The following CAP2 variants were observed in gnomAD, a reference collection of about 807,000 sequenced individuals.
CAP2 encodes cyclase associated actin cytoskeleton regulatory protein 2, also known as adenylyl cyclase-associated protein 2.
A neutral mutation model predicts 57.7 loss-of-function variants in CAP2; 24 were observed. The observed-to-expected ratio is 0.42, with a 90% CI of 0.30 to 0.58. The LOEUF (loss-of-function observed/expected upper bound fraction) is 0.58. Among genes scored for constraint, CAP2 ranks in the 20% least tolerant of loss-of-function variants. CAP2 has a pLI of 0.22. For synonymous variants in CAP2, 194 were observed against 207.2 expected, an observed-to-expected ratio of 0.94 and a Z score of 0.55; for missense variants, 501 against 590.3, an observed-to-expected ratio of 0.85 and a Z score of 1.57.
At chr6:17,411,565 T>A (rs571355911) in intron 1 of CAP2, among the ~76,000 whole-genome samples, 1 of 152,392 alleles carries the variant, frequency 6.6e-6, no homozygotes, top group East Asian at 1.9e-4. Context: ...CTTTCACATG[T>A]GCTCTTGGCC....
chr6:17,404,995 C>T (rs142473892), intron 1 of CAP2, among the ~76,000 whole-genome samples: 19 of 152,238 alleles, frequency 1.2e-4, no homozygotes, highest in Non-Finnish European at 2.1e-4. Flanking sequence ...ATGGGGGATA[C>T]GTTCTAAGAC....
Position 17,556,623 on chromosome 6 carries a change from G to T in CAP2, c.*181G>T. ...TCGTGGGCATTTTGAAATATTTAAC[G>T]TTTCCTCATGATTTGCCTTTGTGTG... On this transcript the variant is annotated 3_prime_UTR_variant, in exon 13 of 13. Transcript: ENST00000229922. The T allele has an allele frequency of 1.8e-6, 1 of 541,448 alleles. No individual in the cohort carries two copies. The highest frequency in any genetic ancestry group is 2.8e-4 in the Middle Eastern group (1 of 3,604). The allele number at this position is 541,448 out of a possible 1,614,324, so 33.5% of individuals were successfully genotyped here. A position where few individuals can be genotyped will look rare whatever the true frequency, so the allele number is the denominator to read the frequency against.
At chr6:17,404,094 A>G (rs1758886281) in intron 1 of CAP2, among the ~76,000 whole-genome samples, 1 of 152,342 alleles carries the variant, frequency 6.6e-6, no homozygotes, top group East Asian at 1.9e-4. Flanking sequence ...CTAGCTCAGT[A>G]TTGGTAAATG....
At chr6:17,526,027 C>G (rs561184552) in intron 7 of CAP2, among the ~76,000 whole-genome samples, 105 of 152,058 alleles carry the variant, frequency 6.9e-4, no homozygotes, top group African/African-American at 2.5e-3. Context: ...GCTAAATCCA[C>G]TGTATTCATT....
rs9477457 is a variant in CAP2 at position 17,494,181 on chromosome 6, G to A, written c.301-12988G>A. ...CTATTCTCAATACAGCAGCCAGAGC[G>A]ATCCTTAGAAAAGAAAACCACATCA... On this transcript the variant is annotated intron_variant, in intron 4 of 12. Transcript: ENST00000229922. 3.1e-3 allele frequency among the ~76,000 whole-genome samples: 479 copies of A among 152,282 alleles called. 1 individual carries two copies. The highest frequency in any genetic ancestry group is 9.2e-3 in the African/African-American group (382 of 41,558).
intron 2 of CAP2, among the ~76,000 whole-genome samples, chr6:17,422,797 C>A (rs1362904607): frequency 2.0e-5 from 3 of 152,070 alleles, no homozygotes; most frequent in Non-Finnish European, 4.4e-5. Context: ...TTTTCCAATT[C>A]CTTCTTGACT....
At chr6:17,451,691 G>A (rs1760408005) in intron 3 of CAP2, among the ~76,000 whole-genome samples, 1 of 151,960 alleles carries the variant, frequency 6.6e-6, no homozygotes, top group African/African-American at 2.4e-5. Flanking sequence ...TGTATTTTTA[G>A]TAGAGACGGG....
intron 4 of CAP2, among the ~76,000 whole-genome samples, chr6:17,498,590 ATGTC>A (rs1761724618): frequency 6.6e-6 from 1 of 152,162 alleles, no homozygotes; most frequent in African/African-American, 2.4e-5. Context: ...TCTCCTGAAG[ATGTC>A]AGTAAAGGGG....
intron 3 of CAP2, among the ~76,000 whole-genome samples, chr6:17,457,768 G>C (rs1470710623): frequency 6.6e-6 from 1 of 152,194 alleles, no homozygotes; most frequent in Non-Finnish European, 1.5e-5. Context: ...AGACCTGCCA[G>C]AAAATTGCTC....
chr6:17,418,963 C>T (rs1042816077), intron 1 of CAP2, among the ~76,000 whole-genome samples: 32 of 152,194 alleles, frequency 2.1e-4, no homozygotes, highest in African/African-American at 7.2e-4. Context: ...TTTGAATCCC[C>T]TTAGGATTAG....
chr6:17,399,959 C>T (rs774576971), intron 1 of CAP2, among the ~76,000 whole-genome samples: 4 of 151,972 alleles, frequency 2.6e-5, no homozygotes, highest in South Asian at 2.1e-4. Context: ...TGGTGGCTCA[C>T]GCCTCTAATC....
chr6:17,524,990 G>A lies in CAP2; in HGVS notation c.636+11036G>A, dbSNP rs371006064. 8.2e-5 allele frequency among the ~76,000 whole-genome samples: 12 copies of A among 146,824 alleles called. 1 individual carries two copies. The highest frequency in any genetic ancestry group is 2.1e-4 in the Admixed American group (3 of 14,256). ...TGGCTCACTGCAACCTCTGCCTTTC[G>A]TGTTCAAGCGATTCTCCTGCCTCAG... On this transcript the variant is annotated intron_variant, in intron 7 of 12. Transcript: ENST00000229922.
intron 4 of CAP2, among the ~76,000 whole-genome samples, chr6:17,474,996 A>G (rs1315617663): frequency 6.6e-6 from 1 of 152,084 alleles, no homozygotes; most frequent in Non-Finnish European, 1.5e-5. Flanking sequence ...GGAGTTTGAG[A>G]CCAGCCTGAC....
intron 3 of CAP2, among the ~76,000 whole-genome samples, chr6:17,453,813 A>G (rs761347007): frequency 2.6e-5 from 4 of 152,018 alleles, no homozygotes; most frequent in Non-Finnish European, 4.4e-5. Flanking sequence ...TAACCTCTCC[A>G]GGTCTTGATT....
At chr6:17,490,653 G>T (rs536245441) in intron 4 of CAP2, among the ~76,000 whole-genome samples, 1 of 152,356 alleles carries the variant, frequency 6.6e-6, no homozygotes, top group Admixed American at 6.5e-5. Flanking sequence ...GTTTTCGGTT[G>T]TAGTCCTAAG....
chr6:17,441,847 T>C lies in CAP2; in HGVS notation c.222+15157T>C, dbSNP rs141974810. ...AACTACGGCCAACAGATTTGAAATG[T>C]GTAACTGTTGAAAACAAAAGTTCAA... On this transcript the variant is annotated intron_variant, in intron 3 of 12. Transcript: ENST00000229922. Among the ~76,000 whole-genome samples, 49 of 152,312 alleles carry C rather than the reference T, an allele frequency of 3.2e-4. No homozygotes were observed. In the East Asian group the frequency reaches 8.7e-3, roughly 27 times the overall value.
intron 1 of CAP2, among the ~76,000 whole-genome samples, chr6:17,402,049 G>C (rs1211189396): frequency 6.6e-6 from 1 of 152,188 alleles, no homozygotes; most frequent in Non-Finnish European, 1.5e-5. Flanking sequence ...TTTAAACTGT[G>C]TGCATTTACT....
At chr6:17,457,718 G>A (rs1223986235) in intron 3 of CAP2, among the ~76,000 whole-genome samples, 1 of 152,198 alleles carries the variant, frequency 6.6e-6, no homozygotes, top group Non-Finnish European at 1.5e-5. Flanking sequence ...ACCATTTGGA[G>A]GAAGAGACTA....
chr6:17,547,796 GC>G (rs1237953840), intron 11 of CAP2, among the ~76,000 whole-genome samples: 1 of 149,078 alleles, frequency 6.7e-6, no homozygotes, highest in East Asian at 2.0e-4. Flanking sequence ...AGCTGAGATC[GC>G]GCCACTGCAC....
Sources: allele counts gnomAD v4.1 joint callset (sites outside exome capture counted in the v4.1 genomes callset), GRCh38; gene constraint gnomAD v4.1.1; transcripts MANE v1.5; gene names NCBI Gene and HGNC (gene_info 2026-07-23, HGNC 2026-07-21).